The following NMNAT1 variants were observed in gnomAD, a reference collection of about 807,000 sequenced individuals.
NMNAT1 encodes the protein nicotinamide/nicotinic acid mononucleotide adenylyltransferase 1.
NMNAT1 carries 11 observed loss-of-function variants against 16.7 expected under a neutral mutation model. That is an observed-to-expected ratio of 0.66 (90% CI 0.41 to 1.09). NMNAT1 has a LOEUF of 1.09. Among genes scored for constraint, NMNAT1 ranks in the 50% least tolerant of loss-of-function variants. The probability of loss-of-function intolerance (pLI) is 0.00; values close to 1 mark genes in which losing one functional copy is unlikely to be tolerated. For synonymous variants in NMNAT1, 110 were observed against 119.8 expected, an observed-to-expected ratio of 0.92 and a Z score of 0.53; for missense variants, 280 against 332.3, an observed-to-expected ratio of 0.84 and a Z score of 1.22.
intron 1 of NMNAT1, among the ~76,000 whole-genome samples, chr1:9,969,355 G>A (rs1441545143): frequency 1.3e-5 from 2 of 152,176 alleles, no homozygotes; most frequent in African/African-American, 4.8e-5. Context: ...AATTAAGAGT[G>A]TAATGGCAGA....
chr1:9,990,886 C>T, the NMNAT1 span, among the ~76,000 whole-genome samples: 2 of 152,264 alleles, frequency 1.3e-5, no homozygotes, highest in East Asian at 3.9e-4. Flanking sequence ...TTATGCTTCT[C>T]CTTCCAGAGA....
At chr1:9,949,579 T>TG (rs1641059840) in intron 1 of NMNAT1, 1 of 60,266 alleles carries the variant, frequency 1.7e-5, no homozygotes, top group Non-Finnish European at 7.1e-5. Flanking sequence ...CCAGCTAATT[T>TG]TTGTGTGTGT....
At chr1:9,963,915 A>G (rs1305658281) in intron 1 of NMNAT1, among the ~76,000 whole-genome samples, 3 of 151,854 alleles carry the variant, frequency 2.0e-5, no homozygotes, top group Non-Finnish European at 4.4e-5. Context: ...TTTTTGAGAC[A>G]GAGTCTCACC....
chr1:9,963,555 G>A (rs780954673), intron 1 of NMNAT1, among the ~76,000 whole-genome samples: 4 of 151,280 alleles, frequency 2.6e-5, no homozygotes, highest in East Asian at 2.0e-4. Context: ...GATTACAGGC[G>A]CACACCACCA....
chr1:9,955,758 A>G (rs1344861322), intron 1 of NMNAT1: 1 of 152,126 alleles, frequency 6.6e-6, no homozygotes, highest in African/African-American at 2.4e-5. Flanking sequence ...TTGTTGTAGC[A>G]GTGTCTGGCT....
At chr1:9,996,324 AAAG>A in the NMNAT1 span, among the ~76,000 whole-genome samples, 1 of 149,882 alleles carries the variant, frequency 6.7e-6, no homozygotes, top group African/African-American at 2.5e-5. Flanking sequence ...AAAAAAAAAA[AAAG>A]AAAAAAGAAA....
chr1:9,995,951 C>T, the NMNAT1 span, among the ~76,000 whole-genome samples: 1 of 151,662 alleles, frequency 6.6e-6, no homozygotes, highest in East Asian at 1.9e-4. Context: ...ATCACTTGAA[C>T]CTGGGAGGCG....
chr1:9,980,457 A>C (rs1187440236), intron 3 of NMNAT1, among the ~76,000 whole-genome samples: 1 of 9,114 alleles, frequency 1.1e-4, no homozygotes, highest in African/African-American at 1.2e-4. Context: ...CGTCACTACT[A>C]AAAATACAAA....
intron 1 of NMNAT1, among the ~76,000 whole-genome samples, chr1:9,964,666 C>T (rs1332668333): frequency 2.0e-5 from 3 of 151,812 alleles, no homozygotes; most frequent in East Asian, 1.9e-4. Context: ...ATGCTTCAAG[C>T]GGCCAGGCAC....
chr1:9,961,745 C>G (rs1367243537), intron 1 of NMNAT1, among the ~76,000 whole-genome samples: 1 of 152,150 alleles, frequency 6.6e-6, no homozygotes, highest in Non-Finnish European at 1.5e-5. Context: ...GATCCCACCA[C>G]TGTGCCTTCT....
chr1:9,971,079 G>T (rs1641676679), intron 1 of NMNAT1, among the ~76,000 whole-genome samples: 1 of 152,116 alleles, frequency 6.6e-6, no homozygotes, highest in South Asian at 2.1e-4. Context: ...GGCTGGTCGG[G>T]GATGGCTATG....
At position 9,948,947 on chromosome 1, in the gene NMNAT1, C is replaced by T. The variant is rs146132810; in HGVS notation, c.-57+5432C>T. ...CAGGCGTCAGCCACTGTGTCTGGCCCGGAATTGTTAAATATACACTGAAGT... is the reference window on the plus strand; with the variant it reads ...CAGGCGTCAGCCACTGTGTCTGGCCTGGAATTGTTAAATATACACTGAAGT... On this transcript the variant is annotated intron_variant, in intron 1 of 4. Coordinates refer to ENST00000377205, the MANE Select transcript of NMNAT1 (RefSeq NM_022787.4). Among the ~76,000 whole-genome samples, 50 of 151,312 alleles carry T rather than the reference C, an allele frequency of 3.3e-4. No individual in the cohort carries two copies. The East Asian group carries it at 9.0e-3, about 27-fold the overall frequency.
the NMNAT1 span, among the ~76,000 whole-genome samples, chr1:9,991,545 A>G: frequency 6.6e-6 from 1 of 152,096 alleles, no homozygotes; most frequent in Non-Finnish European, 1.5e-5. Context: ...CTGGCTTCTC[A>G]ATGAAAATGG....
At chr1:9,965,499 G>T (rs1641523030) in intron 1 of NMNAT1, among the ~76,000 whole-genome samples, 1 of 151,602 alleles carries the variant, frequency 6.6e-6, no homozygotes, top group Non-Finnish European at 1.5e-5. Context: ...TGCCTGCCAG[G>T]TTCAAGTGAT....
intron 1 of NMNAT1, among the ~76,000 whole-genome samples, chr1:9,971,572 A>G (rs542557106): frequency 5.7e-4 from 87 of 152,160 alleles, no homozygotes; most frequent in African/African-American, 2.0e-3. Flanking sequence ...CCAGCCTCCC[A>G]AAGTGCTGGG....
chr1:9,942,994 G>C (rs1640834527), upstream of NMNAT1: 1 of 343,610 alleles, frequency 2.9e-6, no homozygotes, highest in Non-Finnish European at 5.8e-6. Context: ...CACGCCTTGA[G>C]GGATGGCGTC....
At chr1:9,964,416 G>A (rs1641495083) in intron 1 of NMNAT1, among the ~76,000 whole-genome samples, 1 of 151,816 alleles carries the variant, frequency 6.6e-6, no homozygotes, top group Non-Finnish European at 1.5e-5. Context: ...ATGTGTGCCT[G>A]CAGTCCCAGC....
chr1:9,992,274 G>A, the NMNAT1 span, among the ~76,000 whole-genome samples: 1 of 151,790 alleles, frequency 6.6e-6, no homozygotes, highest in East Asian at 1.9e-4. Context: ...ATAGAGACAG[G>A]ACATTGCCAT....
chr1:9,988,895 G>A (rs1642077689), downstream of NMNAT1, among the ~76,000 whole-genome samples: 1 of 151,894 alleles, frequency 6.6e-6, no homozygotes, highest in Non-Finnish European at 1.5e-5. Flanking sequence ...GGCCTCAAGT[G>A]ATTCTCCCAC....
Sources: allele counts gnomAD v4.1 joint callset (sites outside exome capture counted in the v4.1 genomes callset), GRCh38; gene constraint gnomAD v4.1.1; transcripts MANE v1.5; gene names NCBI Gene and HGNC (gene_info 2026-07-23, HGNC 2026-07-21).